Variants in RAB3B observed in about 807,000 individuals in gnomAD.
RAB3B encodes the protein RAB3B, member RAS oncogene family, also known as ras-related protein Rab-3B.
Under a neutral mutation model 20.5 loss-of-function variants are expected in RAB3B, and 11 were observed. The ratio of observed to expected loss-of-function variants is 0.54; its 90% CI spans 0.34 to 0.89. RAB3B has a LOEUF of 0.89. RAB3B is among the 40% of genes least tolerant of loss of function. RAB3B has a pLI of 0.02. For synonymous variants in RAB3B, 99 were observed against 106.3 expected (o/e 0.93, Z 0.42); for missense variants, 225 against 280.9 (o/e 0.80, Z 1.42).
At chr1:51,932,638 A>G (rs543295896) in intron 4 of RAB3B, among the ~76,000 whole-genome samples, 1 of 152,318 alleles carries the variant, frequency 6.6e-6, no homozygotes, top group Non-Finnish European at 1.5e-5. Context: ...AGAAGCATGA[A>G]TTTGCATTGA....
At chr1:51,930,593 A>AG (rs1169007369) in intron 4 of RAB3B, among the ~76,000 whole-genome samples, 1 of 152,376 alleles carries the variant, frequency 6.6e-6, no homozygotes, top group Admixed American at 6.5e-5. Flanking sequence ...TGTGGAGATA[A>AG]GGAAAGAACA....
At chr1:51,984,283 A>G (rs1685125182) in intron 1 of RAB3B, among the ~76,000 whole-genome samples, 1 of 148,096 alleles carries the variant, frequency 6.8e-6, no homozygotes, top group African/African-American at 2.5e-5. Context: ...AAAAAAAAAA[A>G]AAAAAAAAAA....
At chr1:51,940,276 G>A (rs964264065) in intron 2 of RAB3B, among the ~76,000 whole-genome samples, 6 of 152,092 alleles carry the variant, frequency 3.9e-5, no homozygotes, top group African/African-American at 1.4e-4. Context: ...ACAGCAAATT[G>A]ATAATTAGCA....
rs71041868 is a variant in RAB3B at position 51,967,521 on chromosome 1, C to CTTTTT, written c.228+9364_228+9368dup. 5.2e-4 allele frequency among the ~76,000 whole-genome samples: 19 copies of CTTTTT among 36,510 alleles called. 5 individuals carry two copies. Among genetic ancestry groups the CTTTTT allele is most frequent in the East Asian group, 3.1e-3 (2 of 654 alleles). The allele number at this position is 36,510 out of a possible 152,430, so 24.0% of individuals were successfully genotyped here. A position where few individuals can be genotyped will look rare whatever the true frequency, so the allele number is the denominator to read the frequency against. ...TTCCTTTTTCTTTTCTTTTCTTTTTCTTTTTTTTTTTTTTTTTTGAGATAG... is the reference window on the plus strand; with the variant it reads ...TTCCTTTTTCTTTTCTTTTCTTTTTCTTTTTTTTTTTTTTTTTTTTTTTGAGATAG... On this transcript the variant is annotated intron_variant, in intron 2 of 4. Coordinates refer to ENST00000371655, the MANE Select transcript of RAB3B (RefSeq NM_002867.4).
chr1:51,927,560 G>A (rs1684260723), intron 4 of RAB3B, among the ~76,000 whole-genome samples: 1 of 152,078 alleles, frequency 6.6e-6, no homozygotes, highest in Admixed American at 6.5e-5. Context: ...CAGATCACTT[G>A]AGCCCAGCAG....
At chr1:51,967,698 A>G (rs909315760) in intron 2 of RAB3B, among the ~76,000 whole-genome samples, 5 of 149,616 alleles carry the variant, frequency 3.3e-5, no homozygotes, top group African/African-American at 1.2e-4. Context: ...TTATTTTTAA[A>G]TTTTTTGTAG....
chr1:51,930,939 C>T (rs547927283), intron 4 of RAB3B, among the ~76,000 whole-genome samples: 50 of 152,118 alleles, frequency 3.3e-4, no homozygotes, highest in African/African-American at 1.1e-3. Context: ...ATCACTTGAA[C>T]CCGGGAGGCA....
intron 2 of RAB3B, among the ~76,000 whole-genome samples, chr1:51,958,701 C>T (rs961650360): frequency 2.1e-5 from 3 of 145,188 alleles, no homozygotes; most frequent in East Asian, 2.0e-4. Flanking sequence ...CCAGCCTGGG[C>T]GACAAGAGCA....
At chr1:51,975,675 A>G (rs1332773720) in intron 2 of RAB3B, among the ~76,000 whole-genome samples, 1 of 152,206 alleles carries the variant, frequency 6.6e-6, no homozygotes, top group African/African-American at 2.4e-5. Context: ...CTAGCACCAG[A>G]CATGTGAGTG....
intron 2 of RAB3B, among the ~76,000 whole-genome samples, chr1:51,975,320 TC>T (rs1684993423): frequency 6.6e-6 from 1 of 152,222 alleles, no homozygotes; most frequent in Non-Finnish European, 1.5e-5. Flanking sequence ...AACTATATGA[TC>T]TACATGTTGC....
intron 1 of RAB3B, among the ~76,000 whole-genome samples, chr1:51,988,561 C>T (rs1685178886): frequency 1.3e-5 from 2 of 152,160 alleles, no homozygotes; most frequent in African/African-American, 4.8e-5. Flanking sequence ...TCTCTTTGTA[C>T]ATTGTTTTAC....
chr1:51,959,289 G>T (rs1684754062), intron 2 of RAB3B, among the ~76,000 whole-genome samples: 2 of 152,120 alleles, frequency 1.3e-5, no homozygotes, highest in Admixed American at 1.3e-4. Flanking sequence ...GGAGGCCTCG[G>T]CAGGAGGATC....
chr1:51,957,802 A>G (rs1310437742), intron 2 of RAB3B, among the ~76,000 whole-genome samples: 2 of 152,192 alleles, frequency 1.3e-5, no homozygotes, highest in African/African-American at 4.8e-5. Context: ...GCTAGGAACC[A>G]CCTGAGCAAA....
intron 3 of RAB3B, 25 bp downstream of exon 3, chr1:51,937,269 G>T: frequency 6.6e-7 from 1 of 1,505,404 alleles, no homozygotes; most frequent in Non-Finnish European, 9.2e-7. Flanking sequence ...TTTGTTAAAT[G>T]AATGAATGAA....
At chr1:51,970,392 T>C (rs1289370074) in intron 2 of RAB3B, among the ~76,000 whole-genome samples, 1 of 152,130 alleles carries the variant, frequency 6.6e-6, no homozygotes, top group African/African-American at 2.4e-5. Context: ...GCTTCTCTCC[T>C]ATCCCTACCT....
chr1:51,964,449 C>T (rs2124293687), intron 2 of RAB3B, among the ~76,000 whole-genome samples: 1 of 152,298 alleles, frequency 6.6e-6, no homozygotes, highest in African/African-American at 2.4e-5. Context: ...TTCACTCTTT[C>T]CCTTGTTAAT....
chr1:51,965,557 G>C (rs35059168), intron 2 of RAB3B, among the ~76,000 whole-genome samples: 8,717 of 151,474 alleles, frequency 0.058, 286 homozygotes, highest in Middle Eastern at 0.1. Flanking sequence ...TGAGGCAGGA[G>C]AATCGCTTGA....
chr1:51,985,560 C>T (rs1685140642), intron 1 of RAB3B, among the ~76,000 whole-genome samples: 1 of 152,146 alleles, frequency 6.6e-6, no homozygotes, highest in Non-Finnish European at 1.5e-5. Flanking sequence ...GCCCAGCTTT[C>T]CCAGTAACTC....
chr1:51,944,558 T>C (rs548748444), intron 2 of RAB3B, among the ~76,000 whole-genome samples: 4 of 152,334 alleles, frequency 2.6e-5, no homozygotes, highest in Admixed American at 2.0e-4. Context: ...TGAACATTAA[T>C]AGCAGTTTGA....
Sources: gnomAD v4.1 joint callset for allele counts (sites outside exome capture counted in the v4.1 genomes callset) on GRCh38, gnomAD v4.1.1 for gene constraint, MANE v1.5 for transcripts, NCBI Gene and HGNC (gene_info 2026-07-23, HGNC 2026-07-21) for gene names.